Variants in RFX6 observed in about 807,000 individuals in gnomAD.
RFX6 encodes the protein regulatory factor X6, also known as DNA-binding protein RFX6.
In RFX6, 50 loss-of-function variants were observed where a neutral mutation model predicts 110.8. That is an observed-to-expected ratio of 0.45 (90% confidence interval 0.36 to 0.57). The LOEUF (loss-of-function observed/expected upper bound fraction) is 0.57, where lower values mean the gene tolerates loss of function less well. RFX6 is among the 20% of genes least tolerant of loss of function. The pLI, the probability that RFX6 is intolerant of heterozygous loss-of-function variation, is 0.00. For missense variants in RFX6, 990 were observed against 1,127.0 expected, an observed-to-expected ratio of 0.88 and a Z score of 1.74; for synonymous variants, 383 against 411.2, an observed-to-expected ratio of 0.93 and a Z score of 0.83.
chr6:116,882,581 AAG>A (rs1238516931), intron 4 of RFX6, among the ~76,000 whole-genome samples, 153 bp downstream of exon 4: 1 of 151,964 alleles, frequency 6.6e-6, no homozygotes, highest in Non-Finnish European at 1.5e-5. Flanking sequence ...AAAAAAAAAA[AAG>A]ATTTTAGAAT....
intron 7 of RFX6, among the ~76,000 whole-genome samples, chr6:116,913,037 C>T (rs1775388104): frequency 6.6e-6 from 1 of 152,032 alleles, no homozygotes; most frequent in African/African-American, 2.4e-5. Flanking sequence ...TGCGGTGGGG[C>T]TAAAATCAAG....
At position 116,897,638 on chromosome 6, in the gene RFX6, C is replaced by T. The variant is rs117422761; in HGVS notation, c.672+2431C>T. On this transcript the variant is annotated intron_variant, in intron 6 of 18. Coordinates refer to ENST00000332958, the MANE Select transcript of RFX6 (RefSeq NM_173560.4). ...CATTCTGACCATGACATGGAGAATACATTAGAAGAGTGTAAGGCAGGAAGC... is the reference window on the plus strand; with the variant it reads ...CATTCTGACCATGACATGGAGAATATATTAGAAGAGTGTAAGGCAGGAAGC... Among the ~76,000 whole-genome samples, 592 of 152,140 alleles carry T rather than the reference C, an allele frequency of 3.9e-3. 5 individuals are homozygous for T. The highest frequency in any genetic ancestry group is 0.024 in the Middle Eastern group (7 of 294).
chr6:116,914,275 T>C (rs1341099288), intron 7 of RFX6, among the ~76,000 whole-genome samples: 1 of 152,186 alleles, frequency 6.6e-6, no homozygotes, highest in African/African-American at 2.4e-5. Context: ...TTTTTATGGA[T>C]GAATAATATT....
At position 116,895,067 on chromosome 6, in the gene RFX6, T is replaced by C. The variant is rs1259324086; in HGVS notation, c.645-113T>C. ...TTTAAAAAAAGCAAATTTCTCCAGC[T>C]TATTTCTCTAATCATGGTATGAAAT... On this transcript the variant is annotated intron_variant, in intron 5 of 18. Coordinates refer to ENST00000332958, the MANE Select transcript of RFX6 (RefSeq NM_173560.4). 57 of 610,522 alleles carry C rather than the reference T, an allele frequency of 9.3e-5. No individual in the cohort carries two copies. In the East Asian group the frequency reaches 1.5e-3, roughly 16 times the overall value. The allele number at this position is 610,522 out of a possible 1,614,324, so 37.8% of individuals were successfully genotyped here. A position where few individuals can be genotyped will look rare whatever the true frequency, so the allele number is the denominator to read the frequency against.
intron 12 of RFX6, among the ~76,000 whole-genome samples, chr6:116,920,943 T>A (rs1459694669): frequency 6.6e-6 from 1 of 152,190 alleles, no homozygotes; most frequent in South Asian, 2.1e-4. Context: ...CATCCTGTGG[T>A]GTGTGATAAA....
At chr6:116,903,669 A>G (rs969812677) in intron 6 of RFX6, among the ~76,000 whole-genome samples, 3 of 151,526 alleles carry the variant, frequency 2.0e-5, no homozygotes, top group Non-Finnish European at 3.0e-5. Context: ...ATTGTTTATT[A>G]TTTGCCCAGT....
At chr6:116,912,490 T>C (rs1310409252) in intron 7 of RFX6, among the ~76,000 whole-genome samples, 1 of 152,224 alleles carries the variant, frequency 6.6e-6, no homozygotes, top group African/African-American at 2.4e-5. Context: ...ACATAATTTT[T>C]ACCTTATAGA....
chr6:116,918,991 A>G, intron 10 of RFX6, 146 bp from the exon 11 acceptor site: 1 of 695,582 alleles, frequency 1.4e-6, no homozygotes. Flanking sequence ...ATAGCATAAG[A>G]AAAGATGATA....
At chr6:116,878,399 T>C (rs915448396) in intron 2 of RFX6, among the ~76,000 whole-genome samples, 3 of 152,156 alleles carry the variant, frequency 2.0e-5, no homozygotes, top group Non-Finnish European at 4.4e-5. Context: ...GTATACTCCA[T>C]AAGATGAACT....
At chr6:116,919,081 G>T in intron 10 of RFX6, 56 bp from the exon 11 acceptor site, 2 of 1,470,648 alleles carry the variant, frequency 1.4e-6, no homozygotes, top group Admixed American at 1.7e-5. Flanking sequence ...ATTAAAATAT[G>T]ATTGTTTAAT....
chr6:116,905,227 G>A (rs560772840), intron 6 of RFX6, among the ~76,000 whole-genome samples: 1 of 152,074 alleles, frequency 6.6e-6, no homozygotes, highest in Non-Finnish European at 1.5e-5. Context: ...TGTGTTTATA[G>A]TAGCCATCCC....
At chr6:116,929,587 T>C (rs1056818971) in intron 18 of RFX6, among the ~76,000 whole-genome samples, 2 of 152,190 alleles carry the variant, frequency 1.3e-5, no homozygotes, top group Non-Finnish European at 2.9e-5. Flanking sequence ...TCCAACCAGG[T>C]TACATTTCTT....
intron 16 of RFX6, among the ~76,000 whole-genome samples, chr6:116,926,616 A>G (rs1400537728): frequency 6.6e-6 from 1 of 152,218 alleles, no homozygotes; most frequent in Non-Finnish European, 1.5e-5. Context: ...TTTGCATGAC[A>G]TTTTGAATTG....
chr6:116,923,561 A>G (rs1775648214), intron 14 of RFX6: 2 of 276,368 alleles, frequency 7.2e-6, no homozygotes, highest in South Asian at 9.6e-5. Context: ...CATAGCAGCT[A>G]TTATCATTAC....
At chr6:116,899,819 CA>C (rs1775027501) in intron 6 of RFX6, among the ~76,000 whole-genome samples, 1 of 152,074 alleles carries the variant, frequency 6.6e-6, no homozygotes, top group African/African-American at 2.4e-5. Flanking sequence ...AAAAGAAAAA[CA>C]CACACATTGG....
chr6:116,895,379 C>A (rs576829547), intron 6 of RFX6, among the ~76,000 whole-genome samples, 172 bp downstream of exon 6: 8 of 152,178 alleles, frequency 5.3e-5, no homozygotes, highest in African/African-American at 1.9e-4. Flanking sequence ...ACAAATGAAT[C>A]TTTGCATGGA....
chr6:116,920,531 G>T (rs955044369), intron 12 of RFX6, 77 bp downstream of exon 12: 48 of 1,214,948 alleles, frequency 4.0e-5, no homozygotes, highest in Admixed American at 1.4e-4. Flanking sequence ...TAACTCTGTT[G>T]GAGGAGCCTG....
At chr6:116,927,618 T>A in intron 17 of RFX6, 79 bp downstream of exon 17, 1 of 1,138,242 alleles carries the variant, frequency 8.8e-7, no homozygotes. Flanking sequence ...CCACCTCTGC[T>A]GACTAGCATG....
chr6:116,920,529 T>C, intron 12 of RFX6, 75 bp downstream of exon 12: 1 of 1,255,968 alleles, frequency 8.0e-7, no homozygotes, highest in South Asian at 1.2e-5. Context: ...GGTAACTCTG[T>C]TGGAGGAGCC....
Sources: allele counts gnomAD v4.1 joint callset (sites outside exome capture counted in the v4.1 genomes callset), GRCh38; gene constraint gnomAD v4.1.1; transcripts MANE v1.5; gene names NCBI Gene and HGNC (gene_info 2026-07-23, HGNC 2026-07-21).